Variants in NXN observed in about 807,000 individuals in gnomAD.
The protein encoded by NXN is nucleoredoxin 1.
A neutral mutation model predicts 48.6 loss-of-function variants in NXN; 16 were observed. The ratio of observed to expected loss-of-function variants is 0.33; its 90% CI spans 0.22 to 0.50. The LOEUF (loss-of-function observed/expected upper bound fraction) is 0.50. Among genes scored for constraint, NXN ranks in the 20% least tolerant of loss-of-function variants. The pLI, the probability that NXN is intolerant of heterozygous loss-of-function variation, is 0.98. For synonymous variants in NXN, 281 were observed against 269.6 expected (o/e 1.04, Z -0.41); for missense variants, 492 against 605.5 (o/e 0.81, Z 1.97).
intron 5 of NXN, among the ~76,000 whole-genome samples, chr17:806,942 A>ACACACACACG (rs1911575975): frequency 6.7e-6 from 1 of 149,358 alleles, no homozygotes; most frequent in Non-Finnish European, 1.5e-5. Flanking sequence ...ACACACACAC[A>ACACACACACG]CACACGCACG....
At chr17:925,793 C>T (rs1391076402) in intron 1 of NXN, among the ~76,000 whole-genome samples, 2 of 152,216 alleles carry the variant, frequency 1.3e-5, no homozygotes, top group African/African-American at 4.8e-5. Flanking sequence ...GTTGCCCTGG[C>T]TCAAGCAACT....
intron 1 of NXN, among the ~76,000 whole-genome samples, chr17:948,217 G>C (rs561657308): frequency 1.3e-5 from 2 of 152,156 alleles, no homozygotes; most frequent in Non-Finnish European, 2.9e-5. Context: ...GTAATCTAGA[G>C]GTAATTTACA....
At chr17:811,034 T>A (rs758376597) in intron 5 of NXN, among the ~76,000 whole-genome samples, 4 of 152,086 alleles carry the variant, frequency 2.6e-5, no homozygotes, top group Admixed American at 2.6e-4. Flanking sequence ...TCCATTTTTT[T>A]GAAAGGGGCA....
intron 1 of NXN, among the ~76,000 whole-genome samples, chr17:955,527 T>C (rs2069156946): frequency 6.6e-6 from 1 of 151,742 alleles, no homozygotes; most frequent in South Asian, 2.1e-4. Context: ...GTTGGACTTC[T>C]TTTAAAGGCT....
At chr17:862,157 T>C (rs2068047643) in intron 1 of NXN, among the ~76,000 whole-genome samples, 1 of 152,000 alleles carries the variant, frequency 6.6e-6, no homozygotes, top group Non-Finnish European at 1.5e-5. Flanking sequence ...TAAAGGAATG[T>C]GAGGTAATAA....
chr17:808,676 GT>G (rs5818768), intron 5 of NXN, among the ~76,000 whole-genome samples: 55 of 128,960 alleles, frequency 4.3e-4, no homozygotes, highest in East Asian at 1.2e-3. Context: ...TTATAAACCA[GT>G]TTTTTTTTTT....
chr17:904,130 G>A (rs2144904957), intron 1 of NXN, among the ~76,000 whole-genome samples: 2 of 152,292 alleles, frequency 1.3e-5, no homozygotes, highest in South Asian at 4.1e-4. Context: ...GACTGAATAA[G>A]GCCAAACTCT....
chr17:823,590 C>T, intron 3 of NXN, 42 bp downstream of exon 3: 2 of 1,611,126 alleles, frequency 1.2e-6, no homozygotes, highest in Non-Finnish European at 1.7e-6. Flanking sequence ...GGGAACATCA[C>T]TGCTTCCTTC....
At chr17:927,515 G>A (rs1278803652) in intron 1 of NXN, among the ~76,000 whole-genome samples, 1 of 148,004 alleles carries the variant, frequency 6.8e-6, no homozygotes, top group Non-Finnish European at 1.5e-5. Context: ...TGAGGCAGGA[G>A]GTTGCAGTGA....
chr17:976,472 T>A (rs1166778907), intron 1 of NXN, among the ~76,000 whole-genome samples: 1 of 152,094 alleles, frequency 6.6e-6, no homozygotes, highest in African/African-American at 2.4e-5. Context: ...AATGAGAATT[T>A]AAAAAAAATT....
chr17:859,278 T>C (rs1036597265), intron 1 of NXN, among the ~76,000 whole-genome samples: 4 of 152,168 alleles, frequency 2.6e-5, no homozygotes, highest in African/African-American at 9.7e-5. Flanking sequence ...AGCGGTCGTT[T>C]GGAAGTGGAA....
In NXN at chr17:874,332, G is replaced by A. The variant is rs539363505; in HGVS notation, c.361-48254C>T. Among the ~76,000 whole-genome samples the A allele has an allele frequency of 2.0e-5, 3 of 152,300 alleles. No individual in the cohort carries two copies. In the South Asian group the frequency reaches 6.2e-4, roughly 32 times the overall value. On this transcript the variant is annotated intron_variant, in intron 1 of 7. Transcript: ENST00000336868. ...CAGCCGGGCACGGTGGCTCACGCCT[G>A]TAATCCCAGCACTTTGGGAGGCCGA...
chr17:915,180 C>T (rs576615911), intron 1 of NXN, among the ~76,000 whole-genome samples: 2 of 152,160 alleles, frequency 1.3e-5, no homozygotes, highest in Non-Finnish European at 1.5e-5. Flanking sequence ...GTGATAGGTC[C>T]ACCTCAGCCT....
intron 1 of NXN, among the ~76,000 whole-genome samples, chr17:943,208 A>G (rs2068999857): frequency 6.6e-6 from 1 of 152,170 alleles, no homozygotes; most frequent in African/African-American, 2.4e-5. Context: ...CTCGACTAAA[A>G]TGTTTGTGAA....
intron 5 of NXN, among the ~76,000 whole-genome samples, chr17:810,282 A>G (rs1468750378): frequency 1.5e-4 from 19 of 129,234 alleles, no homozygotes; most frequent in South Asian, 5.0e-4. Context: ...CGAGTCTGTG[A>G]GTGGCGTGCA....
At chr17:852,024 G>A (rs1225275584) in intron 1 of NXN, among the ~76,000 whole-genome samples, 2 of 152,184 alleles carry the variant, frequency 1.3e-5, no homozygotes, top group Admixed American at 1.3e-4. Flanking sequence ...AATTAGGGGC[G>A]CCAGTCTCAG....
intron 5 of NXN, among the ~76,000 whole-genome samples, chr17:806,333 G>A (rs1402849527): frequency 6.6e-6 from 1 of 151,042 alleles, no homozygotes; most frequent in Non-Finnish European, 1.5e-5. Flanking sequence ...CCTTCCCCAG[G>A]GCTGGGGAAG....
At position 872,809 on chromosome 17, in the gene NXN, C is replaced by T. The variant is rs1046484870; in HGVS notation, c.361-46731G>A. Among the ~76,000 whole-genome samples the T allele has an allele frequency of 3.3e-4, 50 of 151,994 alleles. 1 individual carries two copies. Among genetic ancestry groups the T allele is most frequent in the Admixed American group, 1.8e-3 (27 of 15,252 alleles). ...CTAATTTTTGTATTTTTAGTAGAGA[C>T]GGGTTTTTGCCATGTTGGCCAGGCT... On this transcript the variant is annotated intron_variant, in intron 1 of 7. Transcript: ENST00000336868.
At chr17:936,287 G>GAC (rs1237873358) in intron 1 of NXN, among the ~76,000 whole-genome samples, 2 of 151,988 alleles carry the variant, frequency 1.3e-5, no homozygotes, top group African/African-American at 4.8e-5. Flanking sequence ...CGTCCCCTGC[G>GAC]ACAAAGCCTT....
Sources: gnomAD v4.1 joint callset for allele counts (sites outside exome capture counted in the v4.1 genomes callset) on GRCh38, gnomAD v4.1.1 for gene constraint, MANE v1.5 for transcripts, NCBI Gene and HGNC (gene_info 2026-07-23, HGNC 2026-07-21) for gene names.